The following CDH8 variants were observed in gnomAD, a reference collection of about 807,000 sequenced individuals.
The protein encoded by CDH8 is cadherin 8.
Under a neutral mutation model 68.1 loss-of-function variants are expected in CDH8, and 17 were observed. That is an observed-to-expected ratio of 0.25 (90% confidence interval 0.17 to 0.37). The LOEUF is 0.37. CDH8 is among the 10% of genes least tolerant of loss of function. The probability of loss-of-function intolerance (pLI) is 1.00; values close to 1 mark genes in which losing one functional copy is unlikely to be tolerated. For synonymous variants in CDH8, 372 were observed against 365.1 expected (o/e 1.02, Z -0.21); for missense variants, 763 against 999.3 (o/e 0.76, Z 3.19).
chr16:61,970,893 C>T (rs1885797959), intron 2 of CDH8, among the ~76,000 whole-genome samples: 1 of 152,242 alleles, frequency 6.6e-6, no homozygotes, highest in Admixed American at 6.5e-5. Context: ...TAAAAACAGC[C>T]TTAACTGATG....
At chr16:61,810,135 G>A (rs1961905189) in intron 7 of CDH8, among the ~76,000 whole-genome samples, 1 of 152,152 alleles carries the variant, frequency 6.6e-6, no homozygotes, top group South Asian at 2.1e-4. Flanking sequence ...CACACATAAT[G>A]AAATAAACCC....
chr16:61,977,469 T>C (rs1294764555), intron 2 of CDH8, among the ~76,000 whole-genome samples: 4 of 152,178 alleles, frequency 2.6e-5, no homozygotes, highest in East Asian at 1.9e-4. Flanking sequence ...GGCTAAAATA[T>C]GATGGCTGAA....
intron 2 of CDH8, among the ~76,000 whole-genome samples, chr16:61,991,056 G>A (rs558632779): frequency 3.3e-5 from 5 of 152,272 alleles, no homozygotes; most frequent in African/African-American, 1.2e-4. Context: ...TTGCACATTA[G>A]TTGAATATTA....
chr16:61,681,835 C>T (rs142635483), intron 10 of CDH8, among the ~76,000 whole-genome samples: 6 of 151,902 alleles, frequency 3.9e-5, no homozygotes, highest in African/African-American at 1.2e-4. Context: ...ATCCACAGAA[C>T]GTTCCTTTGA....
intron 2 of CDH8, among the ~76,000 whole-genome samples, chr16:61,933,882 C>G (rs879852104): frequency 6.6e-6 from 1 of 151,888 alleles, no homozygotes. Context: ...AGTAGTATAG[C>G]GAGAACAATT....
chr16:61,693,460 TG>T lies in CDH8; in HGVS notation c.1654+20380del, dbSNP rs1267265860. 3 of 152,148 alleles carry T rather than the reference TG, an allele frequency of 2.0e-5. No homozygotes were observed. In the East Asian group the frequency reaches 5.8e-4, roughly 29 times the overall value. 9.4% of individuals were successfully genotyped at this position (152,148 alleles called of 1,614,324 possible). The stretch of plus-strand genomic sequence containing the variant: ...TTCCTGACTCTGTATAAGAAAAGTT[TG>T]TGCACTCTTAGCACAGGAAAAGATA... On this transcript the variant is annotated intron_variant, in intron 10 of 11. Transcript: ENST00000577390.
At chr16:61,975,729 T>C (rs964076088) in intron 2 of CDH8, among the ~76,000 whole-genome samples, 2 of 152,186 alleles carry the variant, frequency 1.3e-5, no homozygotes. Context: ...AAGATAGATC[T>C]GATCCTACAC....
chr16:61,893,376 C>T (rs80126496), intron 3 of CDH8, among the ~76,000 whole-genome samples: 3,107 of 151,800 alleles, frequency 0.02, 101 homozygotes, highest in African/African-American at 0.071. Flanking sequence ...TTTTGGGGAA[C>T]GCTATCCAAC....
chr16:61,954,697 T>C (rs1964956206), intron 2 of CDH8, among the ~76,000 whole-genome samples: 2 of 114,944 alleles, frequency 1.7e-5, no homozygotes, highest in African/African-American at 7.0e-5. Context: ...CGAGACTCCA[T>C]CTCAAAAAAA....
chr16:61,992,077 T>TGTGTGTGTGTGTGTGTGTGTGTGAGA (rs34925928), intron 2 of CDH8, among the ~76,000 whole-genome samples: 2 of 144,126 alleles, frequency 1.4e-5, no homozygotes, highest in African/African-American at 5.2e-5. Context: ...TGTGTGTGTG[T>TGTGTGTGTGTGTGTGTGTGTGTGAGA]GAGAGAGAGA....
At chr16:61,793,977 T>G (rs950153618) in intron 7 of CDH8, among the ~76,000 whole-genome samples, 1 of 152,080 alleles carries the variant, frequency 6.6e-6, no homozygotes, top group Non-Finnish European at 1.5e-5. Context: ...TAACAAGTGA[T>G]TATTTTTCTC....
chr16:61,671,389 C>A (rs1301712740), intron 10 of CDH8, among the ~76,000 whole-genome samples: 2 of 151,502 alleles, frequency 1.3e-5, no homozygotes, highest in Non-Finnish European at 2.9e-5. Context: ...ATTGTGTGGT[C>A]CAGCCAGGGT....
At chr16:61,697,571 G>T (rs1200801817) in intron 10 of CDH8, among the ~76,000 whole-genome samples, 1 of 151,296 alleles carries the variant, frequency 6.6e-6, no homozygotes, top group Non-Finnish European at 1.5e-5. Context: ...TCGGCTCACT[G>T]CAAGCTCCAC....
intron 7 of CDH8, among the ~76,000 whole-genome samples, chr16:61,794,577 G>A (rs1961454514): frequency 6.6e-6 from 1 of 151,984 alleles, no homozygotes; most frequent in African/African-American, 2.4e-5. Context: ...TAAGGTCCAA[G>A]GTAGTTTTCC....
chr16:61,927,491 A>G (rs1964473383), intron 2 of CDH8, among the ~76,000 whole-genome samples: 1 of 152,168 alleles, frequency 6.6e-6, no homozygotes, highest in African/African-American at 2.4e-5. Flanking sequence ...ATTTGAAATA[A>G]TGCTAAAACT....
At chr16:61,923,700 C>T (rs1015764732) in intron 2 of CDH8, among the ~76,000 whole-genome samples, 1 of 148,456 alleles carries the variant, frequency 6.7e-6, no homozygotes, top group Admixed American at 6.8e-5. Context: ...TATTATGAAG[C>T]CCTGGCAATC....
chr16:61,845,752 TC>T (rs1471849129), intron 4 of CDH8, among the ~76,000 whole-genome samples: 1 of 152,078 alleles, frequency 6.6e-6, no homozygotes, highest in Non-Finnish European at 1.5e-5. Context: ...TTCTAGCTTC[TC>T]CTTTGTTTTA....
intron 3 of CDH8, among the ~76,000 whole-genome samples, chr16:61,899,432 A>T (rs1228401346): frequency 6.6e-6 from 1 of 152,154 alleles, no homozygotes; most frequent in Non-Finnish European, 1.5e-5. Context: ...GCCACATTAA[A>T]CAAGTGGCTG....
chr16:61,854,835 G>A (rs1963011713), intron 4 of CDH8, among the ~76,000 whole-genome samples: 1 of 151,848 alleles, frequency 6.6e-6, no homozygotes, highest in South Asian at 2.1e-4. Context: ...TAAGAGAGAG[G>A]TCCTCAAAGA....
Sources: gnomAD v4.1 joint callset for allele counts (sites outside exome capture counted in the v4.1 genomes callset) on GRCh38, gnomAD v4.1.1 for gene constraint, MANE v1.5 for transcripts, NCBI Gene and HGNC (gene_info 2026-07-23, HGNC 2026-07-21) for gene names.